The following TEK variants were observed in gnomAD, a reference collection of about 807,000 sequenced individuals.
TEK encodes angiopoietin-1 receptor.
Under a neutral mutation model 131.8 loss-of-function variants are expected in TEK, and 43 were observed. The ratio of observed to expected loss-of-function variants is 0.33; its 90% CI spans 0.26 to 0.42. The LOEUF (loss-of-function observed/expected upper bound fraction) is 0.42. Ranked by LOEUF, TEK falls within the 10% of genes least tolerant of loss-of-function variation. The probability of loss-of-function intolerance (pLI) is 1.00; values close to 1 mark genes in which losing one functional copy is unlikely to be tolerated. For synonymous variants in TEK, 580 were observed against 491.6 expected (o/e 1.18, Z -2.38); for missense variants, 1,162 against 1,384.4 (o/e 0.84, Z 2.55).
chr9:27,156,815 A>C (rs1041807383), intron 1 of TEK, among the ~76,000 whole-genome samples: 6 of 152,198 alleles, frequency 3.9e-5, no homozygotes, highest in Non-Finnish European at 2.9e-5. Context: ...TTGGGCCCTC[A>C]TCACTCAATT....
At chr9:27,217,345 AT>A (rs1825852734) in intron 18 of TEK, among the ~76,000 whole-genome samples, 1 of 151,850 alleles carries the variant, frequency 6.6e-6, no homozygotes, top group Admixed American at 6.6e-5. Flanking sequence ...CCTTTTCCAT[AT>A]TATTAATACA....
At position 27,217,524 on chromosome 9, in the gene TEK, G is replaced by A. The variant is rs5004610; in HGVS notation, c.2992-164G>A. Among the ~76,000 whole-genome samples the A allele has an allele frequency of 0.85, 129,211 of 151,622 alleles. 55,331 individuals are homozygous for A. Among genetic ancestry groups the A allele is most frequent in the East Asian group, 1 (5,141 of 5,148 alleles). On this transcript the variant is annotated intron_variant, in intron 18 of 22. Transcript: ENST00000380036. The stretch of plus-strand genomic sequence containing the variant: ...AAGATAAATAGGACTTATACTGTTT[G>A]TTTGCATGTTTTGAAATTTGAAAAC...
At chr9:27,125,914 C>A (rs918007614) in intron 1 of TEK, among the ~76,000 whole-genome samples, 3 of 152,080 alleles carry the variant, frequency 2.0e-5, no homozygotes, top group Non-Finnish European at 2.9e-5. Flanking sequence ...TTTTGAGCTT[C>A]TACTCTGTGC....
At chr9:27,218,941 G>GAAAT (rs1222143977) in intron 20 of TEK, 124 bp downstream of exon 20, 1 of 974,670 alleles carries the variant, frequency 1.0e-6, no homozygotes, top group East Asian at 2.5e-5. Context: ...ATGTGACTTG[G>GAAAT]AAATAGAAAC....
Position 27,183,613 on chromosome 9 carries a change from A to G in TEK, c.1182+3A>G, listed in dbSNP as rs998880867. The G allele has an allele frequency of 2.5e-6, 4 of 1,613,686 alleles. No individual in the cohort carries two copies. Among genetic ancestry groups the G allele is most frequent in the Non-Finnish European group, 3.4e-6 (4 of 1,179,770 alleles). On this transcript the variant is annotated splice_donor_region_variant and intron_variant, in intron 8 of 22. Transcript: ENST00000380036. ...AGCCGGATGGGACAGTGCTCCATGT[A>G]AGAGCCATTCTTAATTTGCCCTTCT...
At chr9:27,179,980 C>T (rs1824301747) in intron 6 of TEK, among the ~76,000 whole-genome samples, 1 of 152,184 alleles carries the variant, frequency 6.6e-6, no homozygotes, top group Admixed American at 6.5e-5. Context: ...CTATCCCACT[C>T]TTAAGTGCTT....
chr9:27,125,392 A>G lies in TEK; in HGVS notation c.52+15750A>G, dbSNP rs144856743. 1.1e-3 allele frequency among the ~76,000 whole-genome samples: 169 copies of G among 152,364 alleles called. 4 individuals carry two copies. The East Asian group carries it at 0.028, about 25-fold the overall frequency. ...GCCAGCCAGGAAAAAGTCACCTTTA[A>G]GTGCATCACTGTCTTCTTTTTCAGG... On this transcript the variant is annotated intron_variant, in intron 1 of 22. Coordinates refer to ENST00000380036, the MANE Select transcript of TEK (RefSeq NM_000459.5).
At chr9:27,136,849 TATC>T (rs145040388) in intron 1 of TEK, among the ~76,000 whole-genome samples, 3,146 of 152,282 alleles carry the variant, frequency 0.021, 100 homozygotes, top group African/African-American at 0.072. Flanking sequence ...TAGGAAGAAT[TATC>T]ATCTTTCCAA....
intron 1 of TEK, among the ~76,000 whole-genome samples, chr9:27,157,625 G>A (rs1274256613): frequency 2.0e-5 from 3 of 152,194 alleles, no homozygotes; most frequent in African/African-American, 4.8e-5. Context: ...GGCAGGAGAG[G>A]TTAGCAGGGT....
chr9:27,160,010 GTTTTTTTTTTTTTTTT>G (rs563961610), intron 2 of TEK, among the ~76,000 whole-genome samples: 5 of 84,322 alleles, frequency 5.9e-5, no homozygotes, highest in Non-Finnish European at 6.3e-5. Flanking sequence ...GCTGTTTAGG[GTTTTTTTTTTTTTTTT>G]TTTTTTTTTT....
At chr9:27,206,493 A>G (rs1394406929) in intron 14 of TEK, 89 bp from the exon 15 acceptor site, 4 of 1,337,126 alleles carry the variant, frequency 3.0e-6, no homozygotes, top group South Asian at 2.5e-5. Context: ...TTCTTTTTTC[A>G]TCTGGTGTGG....
intron 10 of TEK, 108 bp from the exon 11 acceptor site, chr9:27,192,381 C>T (rs113564775): frequency 2.0e-5 from 25 of 1,254,678 alleles, no homozygotes; most frequent in African/African-American, 1.5e-4. Context: ...TTCACTAAGA[C>T]GTAGTTTTGA....
chr9:27,219,928 A>G, intron 20 of TEK, 121 bp from the exon 21 acceptor site: 1 of 986,950 alleles, frequency 1.0e-6, no homozygotes, highest in Non-Finnish European at 1.6e-6. Context: ...GGCATGCAGG[A>G]TGCTCACCCT....
intron 21 of TEK, among the ~76,000 whole-genome samples, chr9:27,225,958 A>G (rs909173108): frequency 6.6e-6 from 1 of 152,368 alleles, no homozygotes; most frequent in South Asian, 2.1e-4. Flanking sequence ...GAAGATATTT[A>G]TGCAGACAAC....
rs1454534711 is a variant in TEK, at chr9:27,229,303, C to T, written c.*71C>T. 2.1e-6 allele frequency: 3 copies of T among 1,427,764 alleles called. No homozygotes were observed. The highest frequency in any genetic ancestry group is 3.0e-6 in the Non-Finnish European group (3 of 1,011,312). 88.4% of individuals were successfully genotyped at this position (1,427,764 alleles called of 1,614,324 possible). A position where few individuals can be genotyped will look rare whatever the true frequency, so the allele number is the denominator to read the frequency against. Reference sequence around the variant, plus strand: ...AGACCCTTGACACCTGCTGAGAAAACATGCCTCTGCCAAAGGATGTGATAT... The same window carrying T: ...AGACCCTTGACACCTGCTGAGAAAATATGCCTCTGCCAAAGGATGTGATAT... On this transcript the variant is annotated 3_prime_UTR_variant, in exon 23 of 23. Coordinates refer to ENST00000380036, the MANE Select transcript of TEK (RefSeq NM_000459.5).
At chr9:27,138,804 A>G (rs1822603992) in intron 1 of TEK, among the ~76,000 whole-genome samples, 1 of 152,190 alleles carries the variant, frequency 6.6e-6, no homozygotes, top group Non-Finnish European at 1.5e-5. Flanking sequence ...AGTGGAGTAC[A>G]GGAATTGAGT....
intron 18 of TEK, among the ~76,000 whole-genome samples, chr9:27,214,991 C>G (rs34432511): frequency 0.054 from 8,260 of 152,270 alleles, 306 homozygotes; most frequent in African/African-American, 0.081. Flanking sequence ...ACTCCTCCCT[C>G]ACCACCTGGT....
intron 7 of TEK, among the ~76,000 whole-genome samples, chr9:27,181,385 A>T (rs575945085): frequency 1.3e-5 from 2 of 152,304 alleles, no homozygotes; most frequent in South Asian, 4.1e-4. Flanking sequence ...AAAAATCCAC[A>T]TGTCAGTGGA....
intron 21 of TEK, among the ~76,000 whole-genome samples, chr9:27,225,919 C>T (rs554715545): frequency 3.3e-5 from 5 of 152,146 alleles, no homozygotes; most frequent in Non-Finnish European, 5.9e-5. Flanking sequence ...AAAAAGTGGG[C>T]AAAGGATATG....
Sources: allele counts gnomAD v4.1 joint callset (sites outside exome capture counted in the v4.1 genomes callset), GRCh38; gene constraint gnomAD v4.1.1; transcripts MANE v1.5; gene names NCBI Gene and HGNC (gene_info 2026-07-23, HGNC 2026-07-21).